ZFYVE1: variants seen among roughly 807,000 people sequenced by gnomAD.
ZFYVE1 encodes the protein zinc finger FYVE-type containing 1.
Under a neutral mutation model 74.4 loss-of-function variants are expected in ZFYVE1, and 30 were observed. That is an observed-to-expected ratio of 0.40 (90% CI 0.30 to 0.55). The LOEUF (loss-of-function observed/expected upper bound fraction) is 0.55, where lower values mean the gene tolerates loss of function less well. Among genes scored for constraint, ZFYVE1 ranks in the 20% least tolerant of loss-of-function variants. ZFYVE1 has a pLI of 0.42. For synonymous variants in ZFYVE1, 335 were observed against 385.1 expected (o/e 0.87, Z 1.52); for missense variants, 703 against 1,011.6 (o/e 0.69, Z 4.14).
intron 2 of ZFYVE1, among the ~76,000 whole-genome samples, chr14:73,001,904 C>T (rs1893880973): frequency 6.6e-6 from 1 of 151,856 alleles, no homozygotes. Flanking sequence ...GCTGACATCA[C>T]ACCATTGCAC....
chr14:72,997,857 T>C lies in ZFYVE1; in HGVS notation c.942A>G (p.Ala314=), dbSNP rs776823296. ...GCACGGTCTCATGGAAGATGATAAC[T>C]GCAGGGCCCAGTGTGGATAAAGGGA... ...LDVPLSTLGP[A]VIIFHETVHT... is the part of the protein sequence containing the mutation. Residue 314 remains alanine (A), a synonymous_variant, in exon 3 of 12, where the codon GCA becomes GCG. Coordinates refer to ENST00000556143, the MANE Select transcript of ZFYVE1 (RefSeq NM_021260.4). 3.1e-6 allele frequency: 5 copies of C among 1,610,306 alleles called. No individual in the cohort carries two copies. In the South Asian group the frequency reaches 5.5e-5, roughly 18 times the overall value.
At chr14:72,985,602 G>A (rs1893455365) in intron 4 of ZFYVE1, among the ~76,000 whole-genome samples, 1 of 151,818 alleles carries the variant, frequency 6.6e-6, no homozygotes, top group Admixed American at 6.6e-5. Context: ...AAGGTGCTGG[G>A]GTTACAGGCG....
At chr14:73,013,733 G>A (rs1187507079) in intron 2 of ZFYVE1, among the ~76,000 whole-genome samples, 3 of 152,116 alleles carry the variant, frequency 2.0e-5, no homozygotes, top group Non-Finnish European at 4.4e-5. Flanking sequence ...CCCCTTGCCT[G>A]AAACTTCTTT....
Position 72,969,765 on chromosome 14 carries a change from G to A in ZFYVE1, c.*1117C>T, listed in dbSNP as rs1229688106. 5.7e-6 allele frequency: 4 copies of A among 702,168 alleles called. No homozygotes were observed. Among genetic ancestry groups the A allele is most frequent in the Admixed American group, 4.0e-5 (2 of 49,780 alleles). The allele number at this position is 702,168 out of a possible 1,614,324, so 43.5% of individuals were successfully genotyped here. A position where few individuals can be genotyped will look rare whatever the true frequency, so the allele number is the denominator to read the frequency against. On this transcript the variant is annotated 3_prime_UTR_variant, in exon 12 of 12. Coordinates refer to ENST00000556143, the MANE Select transcript of ZFYVE1 (RefSeq NM_021260.4). ...AGACAGAGATGTCCAGGCTCTTGAGGAGAAACAAAAGTTCCTTTGACTTCT... is the reference window on the plus strand; with the variant it reads ...AGACAGAGATGTCCAGGCTCTTGAGAAGAAACAAAAGTTCCTTTGACTTCT...
rs1894414386 is a variant in ZFYVE1 at position 73,024,510 on chromosome 14, C to A, written c.-2G>T. On this transcript the variant is annotated 5_prime_UTR_variant, in exon 2 of 12. Coordinates refer to ENST00000556143, the MANE Select transcript of ZFYVE1 (RefSeq NM_021260.4). ...TGCTGGGGAAGTCTGGGCACTCATA[C>A]TCACGCTGGTAAGGAAACACACCCA... 9 of 1,592,014 alleles carry A rather than the reference C, an allele frequency of 5.7e-6. No homozygotes were observed. In the East Asian group the frequency reaches 2.0e-4, roughly 36 times the overall value.
chr14:72,978,894 G>A lies in ZFYVE1; in HGVS notation c.1386C>T (p.Ser462=). The change falls in exon 6 of 12, where the codon TCC becomes TCT. Residue 462 remains serine, a synonymous_variant. Coordinates refer to ENST00000556143, the MANE Select transcript of ZFYVE1 (RefSeq NM_021260.4). ...TATACACTCGGTTGTCATACTGGTG[G>A]GAGTATCTGCAGCGGCTCTTGGCTT... ...PHEAKSRCRY[S]HQYDNRVYTC... is the part of the protein sequence containing the mutation. 1 of 1,614,096 alleles carries A rather than the reference G, an allele frequency of 6.2e-7. No homozygotes were observed. Among genetic ancestry groups the A allele is most frequent in the Non-Finnish European group, 8.5e-7 (1 of 1,179,980 alleles).
rs1313076458 is a variant in ZFYVE1, at chr14:72,970,881, G to A, written c.*1C>T. On this transcript the variant is annotated 3_prime_UTR_variant, in exon 12 of 12. Transcript: ENST00000556143. The stretch of plus-strand genomic sequence containing the variant: ...TGAAGGACTCGGAGAGGGGGCTGGG[G>A]TTAAAGGTCACCGGGCTTTTTATTG... 9 of 1,614,082 alleles carry A rather than the reference G, an allele frequency of 5.6e-6. No homozygotes were observed. The highest frequency in any genetic ancestry group is 7.6e-6 in the Non-Finnish European group (9 of 1,179,950).
chr14:72,973,645 G>A (rs1232924541), intron 11 of ZFYVE1, among the ~76,000 whole-genome samples: 2 of 152,178 alleles, frequency 1.3e-5, no homozygotes, highest in Non-Finnish European at 2.9e-5. Flanking sequence ...GTGAGGCTCT[G>A]CTACACACAG....
In ZFYVE1 at chr14:72,997,843, T is replaced by C. The variant is rs1261267493; in HGVS notation, c.956A>G (p.His319Arg). The C allele has an allele frequency of 6.2e-7, 1 of 1,603,688 alleles. No homozygotes were observed. Among genetic ancestry groups the C allele is most frequent in the Non-Finnish European group, 8.5e-7 (1 of 1,171,526 alleles). The change falls in exon 3 of 12, where the codon CAT (histidine) becomes CGT (arginine). Residue 319 changes from histidine (H) to arginine (R), a missense_variant. His to Arg is a conservative substitution (Grantham distance 29). Around this residue, in one of 2 missense-constraint regions of ZFYVE1, gnomAD observed 492 missense variants for 790.0 expected, o/e 0.62. Coordinates refer to ENST00000556143, the MANE Select transcript of ZFYVE1 (RefSeq NM_021260.4). ...CAGTAGCTGGGTGTGCACGGTCTCA[T>C]GGAAGATGATAACTGCAGGGCCCAG... is the stretch of plus-strand genomic sequence containing the variant. ...STLGPAVIIF[H>R]ETVHTQLLGS...
At chr14:73,016,813 G>T (rs12882846) in intron 2 of ZFYVE1, among the ~76,000 whole-genome samples, 42,239 of 151,018 alleles carry the variant, frequency 0.28, 6,700 homozygotes, top group Middle Eastern at 0.4. Flanking sequence ...GTCAGAGGCT[G>T]CAGTGAACCA....
chr14:72,998,581 A>G (rs1296458143), intron 2 of ZFYVE1, among the ~76,000 whole-genome samples: 2 of 152,194 alleles, frequency 1.3e-5, no homozygotes, highest in African/African-American at 4.8e-5. Context: ...AACAAAAAAA[A>G]GGAGCTAAAA....
At chr14:72,995,502 G>GA (rs1893723487) in intron 3 of ZFYVE1, among the ~76,000 whole-genome samples, 2 of 151,374 alleles carry the variant, frequency 1.3e-5, no homozygotes, top group South Asian at 4.2e-4. Flanking sequence ...CAAAGTGCTG[G>GA]ACTATAGGCA....
chr14:72,971,223 GA>G (rs1309524391), intron 11 of ZFYVE1, 109 bp from the exon 12 acceptor site: 11 of 1,111,238 alleles, frequency 9.9e-6, no homozygotes, highest in Non-Finnish European at 1.0e-5. Flanking sequence ...ACTGCACACA[GA>G]ATTGCTGACA....
intron 2 of ZFYVE1, among the ~76,000 whole-genome samples, chr14:73,006,698 C>T (rs80313854): frequency 6.7e-6 from 1 of 149,050 alleles, no homozygotes. Flanking sequence ...AATGATCCCC[C>T]ACCCCAGTTC....
intron 2 of ZFYVE1, among the ~76,000 whole-genome samples, chr14:73,012,132 G>A (rs1252516282): frequency 1.3e-5 from 2 of 152,056 alleles, no homozygotes; most frequent in African/African-American, 2.4e-5. Context: ...GAAACAAGTG[G>A]AGGGTTGGGG....
At position 72,988,545 on chromosome 14, in the gene ZFYVE1, A is replaced by G. The variant is rs548551360; in HGVS notation, c.1203+4598T>C. ...TTTCGGGCCTGGCACAGTGGCTCAC[A>G]CCTGTAATCCCAACATTTTGGGAGG... On this transcript the variant is annotated intron_variant, in intron 4 of 11. Transcript: ENST00000556143. Among the ~76,000 whole-genome samples, 52 of 151,636 alleles carry G rather than the reference A, an allele frequency of 3.4e-4. 1 individual carries two copies. The highest frequency in any genetic ancestry group is 3.4e-3 in the Middle Eastern group (1 of 294).
At chr14:73,003,247 G>A (rs1470753181) in intron 2 of ZFYVE1, among the ~76,000 whole-genome samples, 1 of 151,766 alleles carries the variant, frequency 6.6e-6, no homozygotes, top group Non-Finnish European at 1.5e-5. Flanking sequence ...TAGTAGAGAT[G>A]GGATTTCGCC....
At chr14:73,026,476 T>C (rs1345822839) in intron 1 of ZFYVE1, among the ~76,000 whole-genome samples, 1 of 152,148 alleles carries the variant, frequency 6.6e-6, no homozygotes, top group Non-Finnish European at 1.5e-5. Context: ...TAGGGGATCT[T>C]ATTTACTACA....
At chr14:72,983,246 G>A (rs1017231558) in intron 4 of ZFYVE1, among the ~76,000 whole-genome samples, 14 of 150,160 alleles carry the variant, frequency 9.3e-5, no homozygotes, top group African/African-American at 2.7e-4. Context: ...TGAGCACAAC[G>A]TGCAGGTTTG....
Sources: allele counts gnomAD v4.1 joint callset (sites outside exome capture counted in the v4.1 genomes callset), GRCh38; gene constraint gnomAD v4.1.1; regional missense constraint gnomAD v4.1.1; transcripts MANE v1.5; gene names NCBI Gene and HGNC (gene_info 2026-07-23, HGNC 2026-07-21).